The following MGLL variants were observed in gnomAD, a reference collection of about 807,000 sequenced individuals.
MGLL encodes the protein lysophospholipase homolog.
A neutral mutation model predicts 29.1 loss-of-function variants in MGLL; 7 were observed. That is an observed-to-expected ratio of 0.24 (90% CI 0.14 to 0.45). The LOEUF (loss-of-function observed/expected upper bound fraction) is 0.45, where lower values mean the gene tolerates loss of function less well. MGLL is among the 20% of genes least tolerant of loss of function. MGLL has a pLI of 0.99. For missense variants in MGLL, 356 were observed against 413.6 expected (o/e 0.86, Z 1.21); for synonymous variants, 148 against 168.3 (o/e 0.88, Z 0.93).
intron 3 of MGLL, among the ~76,000 whole-genome samples, chr3:127,770,837 T>G (rs572818871): frequency 6.6e-6 from 1 of 151,952 alleles, no homozygotes; most frequent in Non-Finnish European, 1.5e-5. Context: ...CAAGGGTGAG[T>G]GCCAAGGGTC....
chr3:127,800,282 ATAAACCTCTCTCT>A (rs2077452934), intron 2 of MGLL, among the ~76,000 whole-genome samples: 1 of 152,208 alleles, frequency 6.6e-6, no homozygotes, highest in South Asian at 2.1e-4. Context: ...TGAGAGCAAA[ATAAACCTCTCTCT>A]TATTTCAGCC....
intron 2 of MGLL, among the ~76,000 whole-genome samples, chr3:127,813,848 C>A (rs1329919188): frequency 1.3e-5 from 2 of 152,150 alleles, no homozygotes; most frequent in African/African-American, 4.8e-5. Context: ...ATCCATGAAC[C>A]TCCTGCAAGT....
intron 4 of MGLL, among the ~76,000 whole-genome samples, chr3:127,722,074 C>CA (rs1412022817): frequency 2.0e-5 from 3 of 152,222 alleles, no homozygotes; most frequent in Admixed American, 2.0e-4. Flanking sequence ...AACAAGCACA[C>CA]AGGGTTTGGG....
intron 3 of MGLL, among the ~76,000 whole-genome samples, chr3:127,773,798 G>A (rs913021781): frequency 1.3e-5 from 2 of 152,126 alleles, no homozygotes; most frequent in African/African-American, 4.8e-5. Flanking sequence ...TCACCTCTCT[G>A]CCAAATCTTG....
chr3:127,758,756 G>T (rs1329856794), intron 3 of MGLL, among the ~76,000 whole-genome samples: 2 of 152,072 alleles, frequency 1.3e-5, no homozygotes, highest in African/African-American at 4.8e-5. Context: ...GGGATAATGG[G>T]TCGATTTTTC....
chr3:127,780,916 A>C (rs2107708243), intron 3 of MGLL, among the ~76,000 whole-genome samples: 1 of 152,364 alleles, frequency 6.6e-6, no homozygotes, highest in Middle Eastern at 3.4e-3. Flanking sequence ...TAATTTTAAA[A>C]AGTGTTAGGC....
rs78979711 is a variant in MGLL, at chr3:127,716,416, T to C, written c.510+4637A>G. On this transcript the variant is annotated intron_variant, in intron 5 of 7. Transcript: ENST00000265052. The stretch of plus-strand genomic sequence containing the variant: ...AAGGAGAGGCCCAATAAATAGGTGT[T>C]GGTTGACTGAATGAATGAGCAAATG... 2.2e-3 allele frequency among the ~76,000 whole-genome samples: 333 copies of C among 152,358 alleles called. 3 individuals carry two copies. Among genetic ancestry groups the C allele is most frequent in the African/African-American group, 7.6e-3 (318 of 41,590 alleles).
At chr3:127,722,599 A>G (rs775714804) in intron 3 of MGLL, 33 bp from the exon 4 acceptor site, 8 of 1,614,192 alleles carry the variant, frequency 5.0e-6, no homozygotes, top group South Asian at 3.3e-5. Flanking sequence ...AGAGAGCTGC[A>G]GTTACCAGGT....
chr3:127,721,894 C>T (rs1404749050), intron 4 of MGLL, among the ~76,000 whole-genome samples: 3 of 152,120 alleles, frequency 2.0e-5, no homozygotes, highest in African/African-American at 7.2e-5. Flanking sequence ...TGTGGGCTGC[C>T]AGTTTAAGGA....
chr3:127,790,725 G>A (rs570747907), intron 2 of MGLL, among the ~76,000 whole-genome samples: 2 of 152,216 alleles, frequency 1.3e-5, no homozygotes, highest in African/African-American at 4.8e-5. Context: ...CTATTTTCCC[G>A]TTAGCACAGC....
chr3:127,818,935 G>GT (rs2077809101), intron 2 of MGLL, among the ~76,000 whole-genome samples: 1 of 152,182 alleles, frequency 6.6e-6, no homozygotes, highest in Non-Finnish European at 1.5e-5. Flanking sequence ...TTAAGTATAA[G>GT]ATTTGTTATT....
intron 3 of MGLL, among the ~76,000 whole-genome samples, chr3:127,740,670 T>C (rs2076323385): frequency 6.6e-6 from 1 of 151,742 alleles, no homozygotes; most frequent in Non-Finnish European, 1.5e-5. Context: ...AGGATGAAAA[T>C]ATATTCCAAG....
At position 127,709,237 on chromosome 3, in the gene MGLL, G is replaced by A. The variant is rs76317612; in HGVS notation, c.600+1339C>T. ...CAGGGGCCACACACTGGTCCCTAAT[G>A]GGTCCAACCTGGCCCCAAGATGTAG... On this transcript the variant is annotated intron_variant, in intron 6 of 7. Coordinates refer to ENST00000265052, the MANE Select transcript of MGLL (RefSeq NM_007283.7). Among the ~76,000 whole-genome samples, 1,118 of 152,270 alleles carry A rather than the reference G, an allele frequency of 7.3e-3. 12 individuals carry two copies. The highest frequency in any genetic ancestry group is 0.025 in the African/African-American group (1,052 of 41,544).
intron 2 of MGLL, among the ~76,000 whole-genome samples, chr3:127,815,178 C>T (rs150379340): frequency 3.9e-4 from 60 of 152,288 alleles, no homozygotes; most frequent in East Asian, 1.9e-3. Context: ...GTAATCAGTT[C>T]GTTGGCCACT....
At chr3:127,740,411 A>G (rs1172589581) in intron 3 of MGLL, among the ~76,000 whole-genome samples, 5 of 151,894 alleles carry the variant, frequency 3.3e-5, no homozygotes, top group African/African-American at 1.2e-4. Context: ...TGTAGGTGGA[A>G]TCATAGAGTA....
In MGLL at chr3:127,800,633, T is replaced by C. The variant is rs78105606; in HGVS notation, c.156-18738A>G. ...CAGGCTACCCGTGCATTAGTCAGCC[T>C]ATACCAGAGGAAACAGCTTTTATGT... On this transcript the variant is annotated intron_variant, in intron 2 of 7. Coordinates refer to ENST00000265052, the MANE Select transcript of MGLL (RefSeq NM_007283.7). Among the ~76,000 whole-genome samples, 713 of 152,384 alleles carry C rather than the reference T, an allele frequency of 4.7e-3. 7 individuals are homozygous for C. Among genetic ancestry groups the C allele is most frequent in the African/African-American group, 0.017 (689 of 41,588 alleles).
At chr3:127,692,410 G>A (rs2075265612) in intron 7 of MGLL, 87 bp from the exon 8 acceptor site, 2 of 1,549,100 alleles carry the variant, frequency 1.3e-6, no homozygotes, top group Admixed American at 3.4e-5. Context: ...GCAGGGGTCT[G>A]CAGCATTCTC....
chr3:127,702,959 T>A lies in MGLL; in HGVS notation c.600+7617A>T, dbSNP rs573005548. Among the ~76,000 whole-genome samples, 9 of 152,270 alleles carry A rather than the reference T, an allele frequency of 5.9e-5. No homozygotes were observed. The South Asian group carries it at 1.9e-3, about 32-fold the overall frequency. ...ATCTGCCCACCTCGGCCTCCCAAAT[T>A]GCTGGGATTACAGGCATGAGCCACC... On this transcript the variant is annotated intron_variant, in intron 6 of 7. Transcript: ENST00000265052.
rs1352212907 is a variant in MGLL, at chr3:127,821,204, G to C, written c.155+490C>G. On this transcript the variant is annotated intron_variant, in intron 2 of 7. Transcript: ENST00000265052. ...TTGATGGAAAATGTACAAAGTAATT[G>C]AGCTGGCAAGGAATCAGAAGGAAAT... Among the ~76,000 whole-genome samples, 5 of 152,294 alleles carry C rather than the reference G, an allele frequency of 3.3e-5. No individual in the cohort carries two copies. In the East Asian group the frequency reaches 9.7e-4, roughly 29 times the overall value.
Sources: gnomAD v4.1 joint callset for allele counts (sites outside exome capture counted in the v4.1 genomes callset) on GRCh38, gnomAD v4.1.1 for gene constraint, MANE v1.5 for transcripts, NCBI Gene and HGNC (gene_info 2026-07-23, HGNC 2026-07-21) for gene names.